Variants in RYR3 observed in about 807,000 individuals in gnomAD.
The protein encoded by RYR3 is ryanodine receptor 3.
A neutral mutation model predicts 584.3 loss-of-function variants in RYR3; 207 were observed. That is an observed-to-expected ratio of 0.35 (90% CI 0.32 to 0.40). RYR3 has a LOEUF of 0.40. Ranked by LOEUF, RYR3 falls within the 10% of genes least tolerant of loss-of-function variation. The pLI is 1.00. For missense variants in RYR3, 5,616 were observed against 6,089.2 expected (o/e 0.92, Z 2.59); for synonymous variants, 2,416 against 2,248.5 (o/e 1.07, Z -2.11).
At chr15:33,431,042 T>C (rs2045101374) in intron 1 of RYR3, among the ~76,000 whole-genome samples, 1 of 152,252 alleles carries the variant, frequency 6.6e-6, no homozygotes, top group Non-Finnish European at 1.5e-5. Context: ...TGAATTGCTC[T>C]AAATGTTGTA....
At chr15:33,597,388 G>A (rs2059426103) in intron 16 of RYR3, among the ~76,000 whole-genome samples, 1 of 152,124 alleles carries the variant, frequency 6.6e-6, no homozygotes, top group Admixed American at 6.5e-5. Context: ...AGGCTGAGGT[G>A]GGCAGATTAC....
intron 23 of RYR3, among the ~76,000 whole-genome samples, chr15:33,632,471 CT>C (rs542468566): frequency 6.6e-6 from 1 of 152,312 alleles, no homozygotes; most frequent in Middle Eastern, 3.4e-3. Flanking sequence ...TGACATCATT[CT>C]TTTTTTAATT....
chr15:33,639,332 T>C (rs573819911), intron 27 of RYR3, among the ~76,000 whole-genome samples: 41 of 152,278 alleles, frequency 2.7e-4, no homozygotes, highest in African/African-American at 9.6e-4. Context: ...GACAAGATAA[T>C]TGGAAAGCTC....
At chr15:33,448,321 G>A (rs112882341) in intron 1 of RYR3, among the ~76,000 whole-genome samples, 2 of 152,192 alleles carry the variant, frequency 1.3e-5, no homozygotes, top group African/African-American at 4.8e-5. Context: ...TGTTTCAGTG[G>A]GACTAAGAGC....
At chr15:33,658,534 T>G (rs776605988) in intron 32 of RYR3, among the ~76,000 whole-genome samples, 1 of 152,186 alleles carries the variant, frequency 6.6e-6, no homozygotes, top group Non-Finnish European at 1.5e-5. Flanking sequence ...CCCATTGGGG[T>G]CACCTTAGGG....
intron 38 of RYR3, among the ~76,000 whole-genome samples, chr15:33,675,194 G>A (rs1007203763): frequency 3.9e-5 from 6 of 152,198 alleles, no homozygotes; most frequent in African/African-American, 9.7e-5. Context: ...GGGGAGGGAG[G>A]GGCTAACACT....
In RYR3 at chr15:33,848,826, C is replaced by CTTTTTT. The variant is rs769204969; in HGVS notation, c.13628+427_13628+432dup. On this transcript the variant is annotated intron_variant, in intron 94 of 103. Coordinates refer to ENST00000634891, the MANE Select transcript of RYR3 (RefSeq NM_001036.6). ...CTATAACTGCCATCTCTGAAGTCCT[C>CTTTTTT]TTTTTTTTTTTTTTTTTTTTTTTTT... Among the ~76,000 whole-genome samples the CTTTTTT allele has an allele frequency of 1.1e-3, 81 of 75,250 alleles. 6 individuals carry two copies. The highest frequency in any genetic ancestry group is 1.6e-3 in the African/African-American group (27 of 16,420). The allele number at this position is 75,250 out of a possible 152,430, so 49.4% of individuals were successfully genotyped here.
At chr15:33,796,007 CCTCTAGGGGAGGCTTTGGAA>C (rs1211413658) in intron 67 of RYR3, among the ~76,000 whole-genome samples, 1 of 152,166 alleles carries the variant, frequency 6.6e-6, no homozygotes, top group Non-Finnish European at 1.5e-5. Flanking sequence ...CAGGCTTGGT[CCTCTAGGGGAGGCTTTGGAA>C]CAAAGCTGAA....
chr15:33,766,306 AAAAG>A, intron 60 of RYR3, among the ~76,000 whole-genome samples: 1 of 152,030 alleles, frequency 6.6e-6, no homozygotes, highest in Admixed American at 6.5e-5. Context: ...AAAAAAGAAA[AAAAG>A]AAAAACCAGT....
At chr15:33,511,500 T>C (rs2053000321) in intron 3 of RYR3, among the ~76,000 whole-genome samples, 1 of 152,090 alleles carries the variant, frequency 6.6e-6, no homozygotes. Context: ...TCCTTCAATA[T>C]ACATGTACTT....
intron 19 of RYR3, among the ~76,000 whole-genome samples, chr15:33,618,615 T>C (rs2060567838): frequency 6.6e-6 from 1 of 152,256 alleles, no homozygotes. Context: ...CAGCAAAAGC[T>C]GGCTCATTCT....
At chr15:33,649,044 T>C (rs2062284021) in intron 30 of RYR3, 28 bp from the exon 31 acceptor site, 4 of 1,585,338 alleles carry the variant, frequency 2.5e-6, no homozygotes, top group East Asian at 2.3e-5. Context: ...CTGGGGGCCA[T>C]TGACTCCCCT....
intron 2 of RYR3, among the ~76,000 whole-genome samples, chr15:33,491,515 C>T (rs1461935458): frequency 6.6e-6 from 1 of 152,180 alleles, no homozygotes; most frequent in East Asian, 1.9e-4. Context: ...ATTGCTCCAT[C>T]AGTTTCTATC....
Position 33,755,090 on chromosome 15 carries a change from G to C in RYR3, c.8425G>C (p.Ala2809Pro). 6.2e-7 allele frequency: 1 copy of C among 1,610,774 alleles called. No homozygotes were observed. The highest frequency in any genetic ancestry group is 1.1e-5 in the South Asian group (1 of 90,712). Residue 2809 changes from alanine to proline, a missense_variant, in exon 58 of 104, where the codon GCC becomes CCC. Transcript: ENST00000634891. ...GGGTATGAAGGATATGGAGCTGGAT[G>C]CCTCCTCCATGGAGAAGAGGTTTGC... ...SRGMKDMELD[A>P]SSMEKRFAYK...
intron 94 of RYR3, chr15:33,852,795 C>G (rs931280496): frequency 2.5e-6 from 1 of 402,856 alleles, no homozygotes; most frequent in African/African-American, 2.1e-5. Context: ...GGCTCCAAAT[C>G]ATAATTCTGA....
chr15:33,821,192 C>T (rs1434456058), intron 78 of RYR3, 78 bp from the exon 79 acceptor site: 1 of 1,151,906 alleles, frequency 8.7e-7, no homozygotes, highest in Admixed American at 2.0e-5. Context: ...CTGGAAAATT[C>T]TCTCTCACCT....
intron 94 of RYR3, chr15:33,849,281 A>G (rs2078935338): frequency 6.6e-6 from 1 of 152,250 alleles, no homozygotes; most frequent in African/African-American, 2.4e-5. Flanking sequence ...TCCTGTAGGC[A>G]TGTGGCACTG....
chr15:33,482,022 C>T (rs1400177538), intron 2 of RYR3, among the ~76,000 whole-genome samples: 2 of 151,806 alleles, frequency 1.3e-5, no homozygotes, highest in African/African-American at 2.4e-5. Context: ...ATGTATTTGC[C>T]ATTTTCAGTG....
intron 51 of RYR3, 141 bp from the exon 52 acceptor site, chr15:33,742,225 G>A: frequency 1.5e-6 from 1 of 656,996 alleles, no homozygotes; most frequent in South Asian, 1.7e-5. Flanking sequence ...CACTGCGCCT[G>A]GAGTCCAGCT....
Sources: gnomAD v4.1 joint callset for allele counts (sites outside exome capture counted in the v4.1 genomes callset) on GRCh38, gnomAD v4.1.1 for gene constraint, MANE v1.5 for transcripts, NCBI Gene and HGNC (gene_info 2026-07-23, HGNC 2026-07-21) for gene names.